Variants in SAAL1 observed in about 807,000 individuals in gnomAD.
SAAL1 encodes the protein protein SAAL1.
Under a neutral mutation model 59.8 loss-of-function variants are expected in SAAL1, and 42 were observed. The observed-to-expected ratio is 0.70, with a 90% confidence interval of 0.55 to 0.91. SAAL1 has a LOEUF of 0.91. Ranked by LOEUF, SAAL1 falls within the 40% of genes least tolerant of loss-of-function variation. The pLI is 0.00. For missense variants in SAAL1, 542 were observed against 561.1 expected, an observed-to-expected ratio of 0.97 and a Z score of 0.34; for synonymous variants, 191 against 194.3, an observed-to-expected ratio of 0.98 and a Z score of 0.14.
rs1383468525 is a variant in SAAL1, at chr11:18,096,747, G to A, written c.333+24C>T. 5.1e-6 allele frequency: 6 copies of A among 1,187,336 alleles called. No homozygotes were observed. The East Asian group carries it at 9.3e-5, about 18-fold the overall frequency. The allele number at this position is 1,187,336 out of a possible 1,614,324, so 73.6% of individuals were successfully genotyped here. On this transcript the variant is annotated intron_variant, in intron 3 of 11. Coordinates refer to ENST00000524803, the MANE Select transcript of SAAL1 (RefSeq NM_138421.3). Reference sequence around the variant, plus strand: ...CTGTTCTTATTGCTTCAAAGAAGAAGGCTTTAGAAATGTACATACTTACTC... The same window carrying A: ...CTGTTCTTATTGCTTCAAAGAAGAAAGCTTTAGAAATGTACATACTTACTC...
chr11:18,103,947 T>G (rs554732469), intron 1 of SAAL1, among the ~76,000 whole-genome samples: 4 of 152,324 alleles, frequency 2.6e-5, no homozygotes, highest in African/African-American at 9.6e-5. Flanking sequence ...ATAAAGGTTG[T>G]AGTGATAATC....
In SAAL1 at chr11:18,087,182, G is replaced by A; in HGVS notation, c.814C>T (p.Gln272Ter). Reference sequence around the variant, plus strand: ...CCATCATCCACTGTAGTAAGCAGTTGTAAAATGTGCATGTAAACATCAAGC... The same window carrying A: ...CCATCATCCACTGTAGTAAGCAGTTATAAAATGTGCATGTAAACATCAAGC... ...EWLDVYMHIL[Q>*]LLTTVDDGIQ... The change falls in exon 8 of 12, where the codon CAA becomes TAA. Residue 272 changes from glutamine to a stop codon, truncating the protein, a stop_gained. Transcript: ENST00000524803. LOFTEE classifies it high-confidence loss of function. 6.2e-7 allele frequency: 1 copy of A among 1,613,568 alleles called. No individual in the cohort carries two copies. Among genetic ancestry groups the A allele is most frequent in the Non-Finnish European group, 8.5e-7 (1 of 1,179,524 alleles).
At position 18,086,968 on chromosome 11, in the gene SAAL1, T is replaced by C. The variant is rs754719030; in HGVS notation, c.940A>G (p.Ile314Val). Residue 314 changes from isoleucine (I) to valine (V), a missense_variant, in exon 9 of 12, where the codon ATC becomes GTC. By Grantham distance (29) the Ile-to-Val change is conservative. Transcript: ENST00000524803. ...HEFCQSDDPP[I>V]ILQEQKTVLA... ...ACTGTTTTCTGTTCTTGAAGAATGA[T>C]GGGTGGATCATCAGACTGGCAGAAT... The C allele has an allele frequency of 2.1e-5, 34 of 1,613,782 alleles. No homozygotes were observed. Among genetic ancestry groups the C allele is most frequent in the South Asian group, 3.3e-5 (3 of 91,084 alleles).
chr11:18,091,765 C>T (rs1424876557), intron 4 of SAAL1, among the ~76,000 whole-genome samples: 2 of 152,200 alleles, frequency 1.3e-5, no homozygotes, highest in Admixed American at 6.5e-5. Context: ...GAGAAGAGAA[C>T]GAGCCTCGAA....
At chr11:18,096,692 T>C (rs2134062748) in intron 3 of SAAL1, 79 bp downstream of exon 3, 1 of 787,198 alleles carries the variant, frequency 1.3e-6, no homozygotes, top group Non-Finnish European at 2.2e-6. Context: ...AAAATCAAAG[T>C]GAGAAAAATA....
chr11:18,105,119 A>T (rs1848674120), intron 1 of SAAL1, among the ~76,000 whole-genome samples: 1 of 152,068 alleles, frequency 6.6e-6, no homozygotes, highest in South Asian at 2.1e-4. Context: ...ATTAAGGGAC[A>T]AATAGAGGTT....
intron 3 of SAAL1, among the ~76,000 whole-genome samples, chr11:18,094,943 C>T (rs1301049413): frequency 6.6e-6 from 1 of 152,180 alleles, no homozygotes; most frequent in Non-Finnish European, 1.5e-5. Flanking sequence ...CAGAGTCTCA[C>T]ACTTGGAGAT....
intron 1 of SAAL1, among the ~76,000 whole-genome samples, chr11:18,104,411 C>A (rs1289982063): frequency 6.7e-6 from 1 of 149,880 alleles, no homozygotes; most frequent in East Asian, 1.9e-4. Flanking sequence ...TATACAAAGA[C>A]AAGTAAGATA....
intron 2 of SAAL1, among the ~76,000 whole-genome samples, chr11:18,100,224 A>T (rs572637534): frequency 6.6e-6 from 1 of 152,334 alleles, no homozygotes; most frequent in African/African-American, 2.4e-5. Context: ...AAGATATTCC[A>T]CCCAGCAACA....
Position 18,096,752 on chromosome 11 carries a change from T to A in SAAL1, c.333+19A>T. The stretch of plus-strand genomic sequence containing the variant: ...CTTATTGCTTCAAAGAAGAAGGCTT[T>A]AGAAATGTACATACTTACTCTTAAT... On this transcript the variant is annotated intron_variant, in intron 3 of 11. Coordinates refer to ENST00000524803, the MANE Select transcript of SAAL1 (RefSeq NM_138421.3). 1.6e-6 allele frequency: 2 copies of A among 1,263,822 alleles called. No homozygotes were observed. Among genetic ancestry groups the A allele is most frequent in the Non-Finnish European group, 2.3e-6 (2 of 861,642 alleles). The allele number at this position is 1,263,822 out of a possible 1,614,324, so 78.3% of individuals were successfully genotyped here.
chr11:18,099,777 T>C (rs1215519587), intron 2 of SAAL1, among the ~76,000 whole-genome samples: 3 of 152,216 alleles, frequency 2.0e-5, no homozygotes, highest in Admixed American at 6.5e-5. Context: ...GAAGCCATTC[T>C]AAGCAGAGCG....
At chr11:18,099,641 G>A (rs1848613601) in intron 2 of SAAL1, among the ~76,000 whole-genome samples, 2 of 152,232 alleles carry the variant, frequency 1.3e-5, no homozygotes, top group Non-Finnish European at 2.9e-5. Flanking sequence ...ATGTAACAGA[G>A]TGAAGCAATT....
At chr11:18,090,377 T>A in intron 5 of SAAL1, 57 bp downstream of exon 5, 1 of 1,569,002 alleles carries the variant, frequency 6.4e-7, no homozygotes. Context: ...AATTAACTTT[T>A]TTTTCTTATC....
chr11:18,103,143 C>T (rs1848651005), intron 2 of SAAL1, 90 bp downstream of exon 2: 1 of 853,950 alleles, frequency 1.2e-6, no homozygotes, highest in Admixed American at 1.7e-5. Flanking sequence ...TAAAGCCTTT[C>T]CCCAGAGTGA....
At chr11:18,100,084 A>T (rs1378204360) in intron 2 of SAAL1, among the ~76,000 whole-genome samples, 2 of 152,210 alleles carry the variant, frequency 1.3e-5, no homozygotes, top group East Asian at 3.8e-4. Context: ...CTTTCACCCT[A>T]AGAGTTCATT....
At position 18,098,347 on chromosome 11, in the gene SAAL1, C is replaced by T. The variant is rs558755853; in HGVS notation, c.250-1493G>A. Among the ~76,000 whole-genome samples, 41 of 152,280 alleles carry T rather than the reference C, an allele frequency of 2.7e-4. 1 individual carries two copies. In the South Asian group the frequency reaches 8.3e-3, roughly 31 times the overall value. On this transcript the variant is annotated intron_variant, in intron 2 of 11. Transcript: ENST00000524803. ...GAGTCTGCCACAGTGCCTAAAGGGG[C>T]GTAACACACAGGTGACATGTGAGTG...
chr11:18,084,656 G>T (rs1042186283), intron 9 of SAAL1, among the ~76,000 whole-genome samples: 46 of 152,174 alleles, frequency 3.0e-4, no homozygotes, highest in Middle Eastern at 3.4e-3. Context: ...TTCTCAATGA[G>T]GTAACGTATC....
At position 18,106,060 on chromosome 11, in the gene SAAL1, G is replaced by C. The variant is rs571490999; in HGVS notation, c.-19C>G. 1.1e-5 allele frequency: 17 copies of C among 1,588,978 alleles called. 1 individual carries two copies. In the South Asian group the frequency reaches 1.7e-4, roughly 16 times the overall value. On this transcript the variant is annotated 5_prime_UTR_variant, in exon 1 of 12. Transcript: ENST00000524803. Reference sequence around the variant, plus strand: ...GGTCCATGACTTTGTCGCGTCCCGCGCTTGAAGGCCGTGCCGGAAGCTGCG... The same window carrying C: ...GGTCCATGACTTTGTCGCGTCCCGCCCTTGAAGGCCGTGCCGGAAGCTGCG...
chr11:18,081,410 C>T lies in SAAL1; in HGVS notation c.1332+1G>A, dbSNP rs1211600229. ...ACCTATATACATTTACCCATACTCA[C>T]CACAGGGCTATAGAAAGGAAGAAGG... is the stretch of plus-strand genomic sequence containing the variant. On this transcript the variant is annotated splice_donor_variant, in intron 11 of 11. Coordinates refer to ENST00000524803, the MANE Select transcript of SAAL1 (RefSeq NM_138421.3). LOFTEE classifies it high-confidence loss of function. 6.2e-7 allele frequency: 1 copy of T among 1,612,022 alleles called. No homozygotes were observed. Among genetic ancestry groups the T allele is most frequent in the Non-Finnish European group, 8.5e-7 (1 of 1,178,204 alleles).
Sources: allele counts gnomAD v4.1 joint callset (sites outside exome capture counted in the v4.1 genomes callset), GRCh38; gene constraint gnomAD v4.1.1; transcripts MANE v1.5; gene names NCBI Gene and HGNC (gene_info 2026-07-23, HGNC 2026-07-21).